LOXHD1: variants seen among roughly 807,000 people sequenced by gnomAD.
LOXHD1 encodes lipoxygenase homology domain-containing protein 1.
Under a neutral mutation model 248.2 loss-of-function variants are expected in LOXHD1, and 205 were observed. The ratio of observed to expected loss-of-function variants is 0.83; its 90% CI spans 0.74 to 0.93. The LOEUF is 0.93. LOXHD1 is among the 40% of genes least tolerant of loss of function. The pLI, the probability that LOXHD1 is intolerant of heterozygous loss-of-function variation, is 0.00. For missense variants in LOXHD1, 2,930 were observed against 2,971.6 expected (o/e 0.99, Z 0.33); for synonymous variants, 1,113 against 1,162.8 (o/e 0.96, Z 0.87).
intron 36 of LOXHD1, among the ~76,000 whole-genome samples, chr18:46,506,759 G>C (rs1275803046): frequency 1.3e-5 from 2 of 152,204 alleles, no homozygotes; most frequent in East Asian, 3.8e-4. Flanking sequence ...TCATTTATCT[G>C]GCAAGAGGCT....
chr18:46,540,830 C>T (rs188153302), intron 25 of LOXHD1, among the ~76,000 whole-genome samples: 1 of 152,152 alleles, frequency 6.6e-6, no homozygotes, highest in East Asian at 1.9e-4. Context: ...GGATCCAGGG[C>T]TGGCTTTGGG....
chr18:46,622,811 G>A (rs1274454158), intron 4 of LOXHD1, among the ~76,000 whole-genome samples: 1 of 152,216 alleles, frequency 6.6e-6, no homozygotes, highest in Non-Finnish European at 1.5e-5. Context: ...AGGCGGCGTG[G>A]TCTGGGGTTT....
chr18:46,565,791 T>C (rs905528721), intron 17 of LOXHD1, among the ~76,000 whole-genome samples: 6 of 152,220 alleles, frequency 3.9e-5, no homozygotes, highest in African/African-American at 1.4e-4. Flanking sequence ...TCTGTATATG[T>C]TCAGTACAGA....
intron 34 of LOXHD1, among the ~76,000 whole-genome samples, chr18:46,513,263 G>A (rs1304048228): frequency 6.6e-6 from 1 of 152,212 alleles, no homozygotes; most frequent in Non-Finnish European, 1.5e-5. Context: ...TGTTCTTCAT[G>A]TGACAGAATT....
In LOXHD1 at chr18:46,594,474, GAGTGGAGCAC is replaced by G. The variant is rs2038227174; in HGVS notation, c.1135-18_1135-9del. 1.9e-6 allele frequency: 3 copies of G among 1,551,220 alleles called. No homozygotes were observed. The highest frequency in any genetic ancestry group is 2.6e-6 in the Non-Finnish European group (3 of 1,146,998). ...GGGGCACAGAATCACCACCTGGGGAGAGTGGAGCACAGTGTCTCCGGCATTGAGTCTCCAG... is the reference window on the plus strand; with the variant it reads ...GGGGCACAGAATCACCACCTGGGGAGAGTGTCTCCGGCATTGAGTCTCCAG... On this transcript the variant is annotated splice_polypyrimidine_tract_variant and intron_variant, in intron 8 of 40. Coordinates refer to ENST00000642948, the MANE Select transcript of LOXHD1 (RefSeq NM_001384474.1).
rs780454307 is a variant in LOXHD1 at position 46,601,200 on chromosome 18, C to T, written c.1134+17G>A. On this transcript the variant is annotated intron_variant, in intron 8 of 40. Transcript: ENST00000642948. ...GGGGTTGAATCAGGGAAGGCTGTCT[C>T]TGGGGGCATCCCTTACCTTCTCACA... is the stretch of plus-strand genomic sequence containing the variant. 9.7e-6 allele frequency: 15 copies of T among 1,547,214 alleles called. No individual in the cohort carries two copies. The highest frequency in any genetic ancestry group is 3.5e-4 in the Middle Eastern group (2 of 5,764).
At chr18:46,485,460 G>C (rs550935411) in intron 38 of LOXHD1, among the ~76,000 whole-genome samples, 1 of 152,240 alleles carries the variant, frequency 6.6e-6, no homozygotes, top group East Asian at 1.9e-4. Flanking sequence ...GCAAAATGGA[G>C]ATTGGTGCTG....
intron 18 of LOXHD1, 40 bp downstream of exon 18, chr18:46,563,025 G>A (rs2037561988): frequency 6.6e-7 from 1 of 1,518,752 alleles, no homozygotes; most frequent in Non-Finnish European, 8.9e-7. Flanking sequence ...GGTGTCCACT[G>A]AGCCTGCTGT....
rs111493023 is a variant in LOXHD1, at chr18:46,566,342, G to A, written c.2352C>T (p.Pro784=). ...GGTTCTTGTCCAGCCAGCGGTTGGC[G>A]GGAAAGGTGTACTGCTTGCCTTGAC... The part of the protein sequence containing the change: ...VPRQGKQYTF[P]ANRWLDKNQA... Residue 784 remains proline (P), a synonymous_variant, in exon 17 of 41, where the codon CCC becomes CCT. Transcript: ENST00000642948. The A allele has an allele frequency of 2.0e-4, 307 of 1,551,826 alleles. 1 individual carries two copies. The highest frequency in any genetic ancestry group is 6.2e-5 in the Non-Finnish European group (71 of 1,147,014).
chr18:46,482,985 G>A (rs1383709464), intron 40 of LOXHD1, among the ~76,000 whole-genome samples: 1 of 152,154 alleles, frequency 6.6e-6, no homozygotes, highest in East Asian at 1.9e-4. Context: ...TTCCAGCTTG[G>A]TTACCAAGGG....
intron 21 of LOXHD1, chr18:46,555,119 A>T (rs1328504115): frequency 2.1e-6 from 1 of 471,102 alleles, no homozygotes; most frequent in Non-Finnish European, 4.4e-6. Flanking sequence ...GCAGAGAATT[A>T]CTAACCCTGA....
chr18:46,609,289 C>T (rs1386108176), intron 6 of LOXHD1, among the ~76,000 whole-genome samples: 2 of 152,118 alleles, frequency 1.3e-5, no homozygotes, highest in Non-Finnish European at 2.9e-5. Flanking sequence ...CCTGAGCTGA[C>T]CACATTTGGA....
At chr18:46,575,493 A>G (rs2037836148) in intron 14 of LOXHD1, among the ~76,000 whole-genome samples, 1 of 152,200 alleles carries the variant, frequency 6.6e-6, no homozygotes, top group Non-Finnish European at 1.5e-5. Context: ...CATTAGGGTG[A>G]CCCCTCATCT....
intron 31 of LOXHD1, 79 bp from the exon 32 acceptor site, chr18:46,522,388 G>T: frequency 1.6e-6 from 2 of 1,253,992 alleles, no homozygotes; most frequent in Non-Finnish European, 2.2e-6. Context: ...AGATTTGGAA[G>T]TGACCTCTGA....
At chr18:46,544,799 G>C (rs1421829692) in intron 23 of LOXHD1, 3 of 471,240 alleles carry the variant, frequency 6.4e-6, no homozygotes, top group Non-Finnish European at 1.3e-5. Flanking sequence ...TCAAGGGTTA[G>C]GTCCATTTAT....
chr18:46,536,792 G>A (rs900029314), intron 26 of LOXHD1, among the ~76,000 whole-genome samples: 4 of 152,202 alleles, frequency 2.6e-5, no homozygotes, highest in Non-Finnish European at 4.4e-5. Context: ...AAGAGAGCAA[G>A]GCATCCCCCG....
At chr18:46,618,568 G>A (rs886874308) in intron 4 of LOXHD1, among the ~76,000 whole-genome samples, 3 of 152,192 alleles carry the variant, frequency 2.0e-5, no homozygotes, top group African/African-American at 7.2e-5. Context: ...TGTATGTGAT[G>A]AATAAATCAG....
At chr18:46,637,142 G>T in intron 4 of LOXHD1, among the ~76,000 whole-genome samples, 1 of 146,528 alleles carries the variant, frequency 6.8e-6, no homozygotes, top group Non-Finnish European at 1.5e-5. Context: ...GGGAAACTCC[G>T]CCTCAAAACA....
chr18:46,491,824 TG>T (rs1163675989), intron 37 of LOXHD1, among the ~76,000 whole-genome samples: 5 of 152,240 alleles, frequency 3.3e-5, no homozygotes, highest in African/African-American at 1.2e-4. Context: ...CCCCACTGCA[TG>T]GATGAAGACA....
Sources: gnomAD v4.1 joint callset for allele counts (sites outside exome capture counted in the v4.1 genomes callset) on GRCh38, gnomAD v4.1.1 for gene constraint, MANE v1.5 for transcripts, NCBI Gene and HGNC (gene_info 2026-07-23, HGNC 2026-07-21) for gene names.